Variants in URGCP observed in about 807,000 individuals in gnomAD.
The protein encoded by URGCP is upregulator of cell proliferation.
In URGCP, 13 loss-of-function variants were observed where a neutral mutation model predicts 24.6. The observed-to-expected ratio is 0.53, with a 90% confidence interval of 0.34 to 0.84. The LOEUF (loss-of-function observed/expected upper bound fraction) is 0.84. URGCP is among the 40% of genes least tolerant of loss of function. The pLI is 0.01. For synonymous variants in URGCP, 444 were observed against 487.2 expected, an observed-to-expected ratio of 0.91 and a Z score of 1.17; for missense variants, 899 against 1,194.3, an observed-to-expected ratio of 0.75 and a Z score of 3.64.
At chr7:43,906,605 CT>C, upstream of URGCP, 1 of 1,202,304 alleles carries the variant, frequency 8.3e-7, no homozygotes, top group South Asian at 3.2e-5. Flanking sequence ...CTCCCGCCTC[CT>C]TCGCTTCCTC....
At chr7:43,896,743 A>G (rs74701993) in intron 1 of URGCP, among the ~76,000 whole-genome samples, 2,549 of 152,296 alleles carry the variant, frequency 0.017, 65 homozygotes, top group African/African-American at 0.058. Context: ...ACAAACACAC[A>G]TATACTAACC....
At chr7:43,909,397 A>G (rs2095907583), upstream of URGCP, among the ~76,000 whole-genome samples, 1 of 152,160 alleles carries the variant, frequency 6.6e-6, no homozygotes, top group Non-Finnish European at 1.5e-5. Flanking sequence ...AACTTTTACA[A>G]TTTTTCAAAA....
chr7:43,918,962 G>T lies in URGCP; in HGVS notation c.-116+7170C>A. ...CCTGTGCCAAGCTCTACAACCCAGA[G>T]AACATCTACCTGTCGGAGCATGGGG... On this transcript the variant is annotated intron_variant, in intron 1 of 5. Coordinates refer to the URGCP transcript ENST00000426198. The T allele has an allele frequency of 2.2e-6, 3 of 1,338,548 alleles. No homozygotes were observed. The South Asian group carries it at 3.5e-5, about 16-fold the overall frequency. The allele number at this position is 1,338,548 out of a possible 1,614,324, so 82.9% of individuals were successfully genotyped here. A position where few individuals can be genotyped will look rare whatever the true frequency, so the allele number is the denominator to read the frequency against.
At position 43,904,070 on chromosome 7, in the gene URGCP, A is replaced by G. The variant is rs188030674; in HGVS notation, c.14+2492T>C. On this transcript the variant is annotated intron_variant, in intron 1 of 5. Transcript: ENST00000453200. ...GTCTTCTGCCCTCTCTGCCGTCTCT[A>G]TACTGCTGTCACATTGATTCTCTGA... 1.2e-4 allele frequency among the ~76,000 whole-genome samples: 19 copies of G among 152,308 alleles called. No homozygotes were observed. The East Asian group carries it at 3.7e-3, about 29-fold the overall frequency.
At chr7:43,916,473 C>T (rs967592664) in intron 1 of URGCP, among the ~76,000 whole-genome samples, 13 of 152,146 alleles carry the variant, frequency 8.5e-5, no homozygotes, top group East Asian at 1.9e-4. Flanking sequence ...AGCTTTGGAT[C>T]GAAGCCCTAG....
At chr7:43,918,726 G>T in intron 1 of URGCP, 3 of 741,408 alleles carry the variant, frequency 4.0e-6, no homozygotes, top group Non-Finnish European at 7.2e-6. Flanking sequence ...CCCACAATTG[G>T]GCCAGTGCAG....
chr7:43,915,827 G>A (rs2095914833), intron 1 of URGCP, among the ~76,000 whole-genome samples: 1 of 152,174 alleles, frequency 6.6e-6, no homozygotes, highest in Non-Finnish European at 1.5e-5. Context: ...TGGCCAACAT[G>A]GTGAAACCCC....
chr7:43,919,449 A>G (rs2095919608), intron 1 of URGCP: 2 of 949,708 alleles, frequency 2.1e-6, no homozygotes, highest in Non-Finnish European at 3.5e-6. Context: ...CTACATGGAC[A>G]ATGACCTCAT....
intron 1 of URGCP, chr7:43,919,924 G>A (rs533430469): frequency 2.5e-5 from 33 of 1,322,628 alleles, no homozygotes; most frequent in South Asian, 1.7e-4. Context: ...GAGCCGTTCC[G>A]CAAGGAGGAC....
At chr7:43,883,994 A>C (rs1435462409) in intron 3 of URGCP, among the ~76,000 whole-genome samples, 1 of 152,188 alleles carries the variant, frequency 6.6e-6, no homozygotes, top group Non-Finnish European at 1.5e-5. Context: ...AAATGGTTAG[A>C]GAAAAGAATG....
intron 1 of URGCP, among the ~76,000 whole-genome samples, chr7:43,903,142 A>C (rs886093517): frequency 1.8e-4 from 27 of 146,536 alleles, no homozygotes; most frequent in African/African-American, 3.0e-4. Context: ...AAAAAGAGAG[A>C]GAGAGAAAGA....
At chr7:43,888,656 G>C (rs2095865773) in intron 1 of URGCP, 1 of 152,232 alleles carries the variant, frequency 6.6e-6, no homozygotes, top group Admixed American at 6.6e-5. Context: ...AACTTGCAGA[G>C]GCGCAATGGA....
At chr7:43,897,479 G>C (rs1447907684) in intron 1 of URGCP, among the ~76,000 whole-genome samples, 2 of 152,266 alleles carry the variant, frequency 1.3e-5, no homozygotes, top group East Asian at 1.9e-4. Flanking sequence ...CGAGTGGCTT[G>C]AGCAAGAGAG....
chr7:43,902,844 C>T (rs2095893939), intron 1 of URGCP, among the ~76,000 whole-genome samples: 2 of 152,198 alleles, frequency 1.3e-5, no homozygotes, highest in African/African-American at 4.8e-5. Flanking sequence ...AAAACAAAAG[C>T]AGGCCCTCTG....
At chr7:43,912,089 A>G (rs1072203) in intron 1 of URGCP, among the ~76,000 whole-genome samples, 17,768 of 152,218 alleles carry the variant, frequency 0.12, 1,179 homozygotes, top group Admixed American at 0.18. Flanking sequence ...TTTAATGCCT[A>G]TATTTAAAAC....
chr7:43,907,233 G>T (rs1234806947), upstream of URGCP, among the ~76,000 whole-genome samples: 1 of 152,156 alleles, frequency 6.6e-6, no homozygotes, highest in Non-Finnish European at 1.5e-5. Context: ...TTCAGCTTCA[G>T]TTCTTCTCTC....
chr7:43,914,166 G>T (rs1429164172), intron 1 of URGCP, among the ~76,000 whole-genome samples: 2 of 152,104 alleles, frequency 1.3e-5, no homozygotes, highest in African/African-American at 2.4e-5. Context: ...GCTAATTTTT[G>T]TATGTTTTGT....
At chr7:43,915,571 C>G (rs1367541207) in intron 1 of URGCP, among the ~76,000 whole-genome samples, 1 of 152,204 alleles carries the variant, frequency 6.6e-6, no homozygotes, top group African/African-American at 2.4e-5. Context: ...TGGCTCCCTG[C>G]CCCTCCCAGC....
rs1290353954 is a variant in URGCP at position 43,879,068 on chromosome 7, G to C, written c.395C>G (p.Thr132Ser). ...LQALNADARN[T>S]TMVLDVLPDA... ...TGGGAGCACGTCCAGCACCATAGTG[G>C]TATTCCTGGCATCAGCATTGAGGGC... Residue 132 changes from threonine to serine, a missense_variant, in exon 6 of 6, where the codon ACC (threonine) becomes AGC (serine). Physicochemically the swap from Thr to Ser is moderately conservative, Grantham distance 58 (BLOSUM62 1). Transcript: ENST00000453200. 6.2e-7 allele frequency: 1 copy of C among 1,614,054 alleles called. No homozygotes were observed. The highest frequency in any genetic ancestry group is 1.3e-5 in the African/African-American group (1 of 74,900).
Sources: allele counts gnomAD v4.1 joint callset (sites outside exome capture counted in the v4.1 genomes callset), GRCh38; gene constraint gnomAD v4.1.1; transcripts MANE v1.5; gene names NCBI Gene and HGNC (gene_info 2026-07-23, HGNC 2026-07-21).